CFAP77: variants seen among roughly 807,000 people sequenced by gnomAD.
CFAP77 encodes the protein cilia and flagella associated protein 77, also known as cilia- and flagella-associated protein 77.
A neutral mutation model predicts 31.1 loss-of-function variants in CFAP77; 25 were observed. The ratio of observed to expected loss-of-function variants is 0.80; its 90% confidence interval spans 0.59 to 1.12. The LOEUF (loss-of-function observed/expected upper bound fraction) is 1.12, where lower values mean the gene tolerates loss of function less well. Ranked by LOEUF, CFAP77 falls within the 50% of genes most tolerant of loss-of-function variation. The pLI, the probability that CFAP77 is intolerant of heterozygous loss-of-function variation, is 0.00. For synonymous variants in CFAP77, 151 were observed against 159.9 expected (o/e 0.94, Z 0.42); for missense variants, 377 against 397.3 (o/e 0.95, Z 0.44).
In CFAP77 at chr9:132,495,070, A is replaced by G. The variant is rs1405545798; in HGVS notation, c.196-3625A>G. The stretch of plus-strand genomic sequence containing the variant: ...GCAAGACAGTGAATTTCATAAGAGC[A>G]GGGCTGTGTGTCTGATCTGTTCACC... On this transcript the variant is annotated intron_variant, in intron 1 of 5. Transcript: ENST00000393216. This position sits in a 1 kb window ranked among gnomAD's most constrained non-coding sequence, Gnocchi z 4.2. 6.6e-6 allele frequency among the ~76,000 whole-genome samples: 1 copy of G among 152,200 alleles called. No homozygotes were observed. Among genetic ancestry groups the G allele is most frequent in the African/African-American group, 2.4e-5 (1 of 41,456 alleles).
chr9:132,559,964 A>T (rs553714273), intron 5 of CFAP77, among the ~76,000 whole-genome samples: 1 of 152,342 alleles, frequency 6.6e-6, no homozygotes, highest in East Asian at 1.9e-4. Context: ...TTATATGAAG[A>T]GTCCAAAATA....
chr9:132,457,901 A>C (rs568434295), intron 1 of CFAP77, among the ~76,000 whole-genome samples: 1 of 152,306 alleles, frequency 6.6e-6, no homozygotes, highest in East Asian at 1.9e-4. Context: ...TCCCTCCCTG[A>C]AACCCTCTGC....
At chr9:132,456,711 G>A (rs1850920574) in intron 1 of CFAP77, among the ~76,000 whole-genome samples, 1 of 152,128 alleles carries the variant, frequency 6.6e-6, no homozygotes. Flanking sequence ...AACCACCTGG[G>A]AGATGGGAAG....
chr9:132,502,738 G>A (rs1009636985), intron 3 of CFAP77, among the ~76,000 whole-genome samples: 1 of 152,158 alleles, frequency 6.6e-6, no homozygotes, highest in Non-Finnish European at 1.5e-5. Context: ...CCACCTTCTG[G>A]CTATTGTGAA....
chr9:132,488,925 GT>G (rs1851608006), intron 1 of CFAP77, among the ~76,000 whole-genome samples: 1 of 152,170 alleles, frequency 6.6e-6, no homozygotes, highest in African/African-American at 2.4e-5. Flanking sequence ...TCTTAATGAG[GT>G]TTAATGAAGC....
intron 1 of CFAP77, among the ~76,000 whole-genome samples, chr9:132,420,954 C>T (rs7037570): frequency 0.6 from 89,924 of 150,186 alleles, 32,195 homozygotes; most frequent in Non-Finnish European, 0.79. Context: ...TTCACCTGGA[C>T]GAAAGGAGAT....
intron 1 of CFAP77, among the ~76,000 whole-genome samples, chr9:132,414,833 G>A (rs908081284): frequency 4.6e-5 from 7 of 152,150 alleles, no homozygotes; most frequent in Non-Finnish European, 4.4e-5. Flanking sequence ...ACGAGGAAGC[G>A]TTTATTTAGA....
intron 1 of CFAP77, among the ~76,000 whole-genome samples, chr9:132,475,283 C>T (rs1343868118): frequency 1.3e-5 from 2 of 152,196 alleles, no homozygotes; most frequent in South Asian, 2.1e-4. Flanking sequence ...TTGGATTCCC[C>T]AGGTATCTGG....
At chr9:132,558,079 A>G (rs1156825767) in intron 5 of CFAP77, among the ~76,000 whole-genome samples, 2 of 152,342 alleles carry the variant, frequency 1.3e-5, no homozygotes, top group East Asian at 3.9e-4. Context: ...GTTGGCCATC[A>G]GCTACCACCA....
intron 1 of CFAP77, among the ~76,000 whole-genome samples, chr9:132,451,663 C>T (rs576825452): frequency 7.5e-4 from 114 of 152,182 alleles, no homozygotes; most frequent in African/African-American, 2.2e-3. Flanking sequence ...ATCCCCACCA[C>T]GCCCCCTAAG....
At chr9:132,551,470 A>G (rs1429608871) in intron 5 of CFAP77, among the ~76,000 whole-genome samples, 1 of 151,732 alleles carries the variant, frequency 6.6e-6, no homozygotes, top group Non-Finnish European at 1.5e-5. Context: ...TAATTTTTGT[A>G]TTTTTAGTAG....
At chr9:132,410,756 G>A (rs545102706) in intron 1 of CFAP77, among the ~76,000 whole-genome samples, 111 of 152,344 alleles carry the variant, frequency 7.3e-4, no homozygotes, top group African/African-American at 2.5e-3. Flanking sequence ...CCTGACATGG[G>A]GTAAGGCTGC....
chr9:132,513,143 T>C (rs1852070647), intron 3 of CFAP77: 1 of 1,146,432 alleles, frequency 8.7e-7, no homozygotes, highest in Non-Finnish European at 1.2e-6. Context: ...CTCCAGCTCC[T>C]CAAGCACACA....
intron 1 of CFAP77, among the ~76,000 whole-genome samples, chr9:132,442,924 T>G (rs561366939): frequency 3.3e-5 from 5 of 152,272 alleles, no homozygotes; most frequent in African/African-American, 1.2e-4. Context: ...TGAAAGTTTT[T>G]TCATCACCCC....
chr9:132,466,359 A>T (rs1334647454), intron 1 of CFAP77, among the ~76,000 whole-genome samples: 1 of 152,142 alleles, frequency 6.6e-6, no homozygotes, highest in Admixed American at 6.5e-5. Context: ...ATTGACACAC[A>T]TTCAGGTCAG....
chr9:132,519,521 T>TGG (rs1439939456), intron 3 of CFAP77, among the ~76,000 whole-genome samples: 7 of 73,728 alleles, frequency 9.5e-5, no homozygotes, highest in South Asian at 5.3e-4. Flanking sequence ...GGTGGGTGGG[T>TGG]AGATGGATGG....
chr9:132,412,022 C>T (rs1850014803), intron 1 of CFAP77, among the ~76,000 whole-genome samples: 1 of 152,134 alleles, frequency 6.6e-6, no homozygotes. Flanking sequence ...AAATTTCCCC[C>T]TTCTTTTCCT....
intron 1 of CFAP77, among the ~76,000 whole-genome samples, chr9:132,448,344 C>T (rs1175187251): frequency 6.6e-6 from 1 of 152,144 alleles, no homozygotes. Context: ...ACTGCTGAGG[C>T]CTTTCTCTTC....
intron 1 of CFAP77, among the ~76,000 whole-genome samples, chr9:132,493,434 C>T (rs1356124525): frequency 2.6e-5 from 4 of 152,172 alleles, no homozygotes; most frequent in African/African-American, 9.7e-5. Context: ...TATCTGGTGC[C>T]GGTGTTCATG....
Sources: gnomAD v4.1 joint callset for allele counts (sites outside exome capture counted in the v4.1 genomes callset) on GRCh38, gnomAD v4.1.1 for gene constraint, Gnocchi (gnomAD v3.1) non-coding constraint, MANE v1.5 for transcripts, NCBI Gene and HGNC (gene_info 2026-07-23, HGNC 2026-07-21) for gene names.